DCHS2: variants seen among roughly 807,000 people sequenced by gnomAD.
The protein encoded by DCHS2 is protocadherin-23.
In DCHS2, 142 loss-of-function variants were observed where a neutral mutation model predicts 182.4. That is an observed-to-expected ratio of 0.78 (90% confidence interval 0.68 to 0.89). The LOEUF is 0.89. Among genes scored for constraint, DCHS2 ranks in the 40% least tolerant of loss-of-function variants. The pLI is 0.00. For missense variants in DCHS2, 4,319 were observed against 4,198.6 expected (o/e 1.03, Z -0.79); for synonymous variants, 1,740 against 1,663.3 (o/e 1.05, Z -1.12).
chr4:154,470,487 C>CA (rs11404069), intron 1 of DCHS2, among the ~76,000 whole-genome samples: 107,002 of 143,382 alleles, frequency 0.75, 39,863 homozygotes, highest in East Asian at 0.92. Flanking sequence ...GACCCTGTCT[C>CA]AAAAAAAAAA....
chr4:154,440,696 T>C (rs1226833475), intron 1 of DCHS2, among the ~76,000 whole-genome samples: 1 of 152,136 alleles, frequency 6.6e-6, no homozygotes, highest in Non-Finnish European at 1.5e-5. Flanking sequence ...GACATCAAAA[T>C]CATAAGCCAT....
In DCHS2 at chr4:154,235,792, A is replaced by C; in HGVS notation, c.8860T>G (p.Leu2954Val). Residue 2954 changes from leucine (L) to valine (V), a missense_variant, in exon 20 of 20, where the codon TTG becomes GTG. Transcript: ENST00000357232. ...CTATGAGCGATTATTTTCATTTCCA[A>C]GGTGTCTTCTTTGTTGAGTTGACTT... ...IKSQLNKEDT[L>V]EMKIIAHSPK... 6.2e-7 allele frequency: 1 copy of C among 1,613,920 alleles called. No homozygotes were observed.
At position 154,389,291 on chromosome 4, in the gene DCHS2, G is replaced by C. The variant is rs551002335; in HGVS notation, c.2053-11847C>G. On this transcript the variant is annotated intron_variant, in intron 1 of 19. Coordinates refer to ENST00000357232, the MANE Select transcript of DCHS2 (RefSeq NM_001358235.2). ...GTGGTACAAAAACAGACAGGAGGCT[G>C]GATCTGGGCCATGTGCCATGGTTTG... Among the ~76,000 whole-genome samples, 13 of 151,956 alleles carry C rather than the reference G, an allele frequency of 8.6e-5. No homozygotes were observed. In the East Asian group the frequency reaches 2.5e-3, roughly 29 times the overall value.
chr4:154,329,159 A>G (rs2111353879), intron 6 of DCHS2, among the ~76,000 whole-genome samples: 1 of 152,274 alleles, frequency 6.6e-6, no homozygotes. Context: ...TTAAGTAACT[A>G]TCTTAGAGAC....
intron 1 of DCHS2, chr4:154,486,498 A>C (rs1255981481): frequency 1.5e-6 from 2 of 1,304,804 alleles, no homozygotes. Flanking sequence ...GATTTTGACA[A>C]AGGCAACTTG....
intron 1 of DCHS2, among the ~76,000 whole-genome samples, chr4:154,488,834 T>C (rs942607728): frequency 6.6e-6 from 1 of 151,958 alleles, no homozygotes; most frequent in African/African-American, 2.4e-5. Context: ...ATTGAGCCAC[T>C]GCACTCCAGC....
chr4:154,327,922 G>A, intron 7 of DCHS2, among the ~76,000 whole-genome samples, 171 bp downstream of exon 7: 1 of 152,114 alleles, frequency 6.6e-6, no homozygotes, highest in East Asian at 1.9e-4. Context: ...AAAACTGAAA[G>A]TAGTTCTTGA....
In DCHS2 at chr4:154,433,686, G is replaced by A. The variant is rs376151939; in HGVS notation, c.2052+55618C>T. ...TGGGATTACAGGCATGAATCACTGC[G>A]CCAGGCCAGTACCCGTTGTTTTAAG... On this transcript the variant is annotated intron_variant, in intron 1 of 19. Coordinates refer to ENST00000357232, the MANE Select transcript of DCHS2 (RefSeq NM_001358235.2). 1.6e-4 allele frequency among the ~76,000 whole-genome samples: 25 copies of A among 152,058 alleles called. 1 individual carries two copies. Among genetic ancestry groups the A allele is most frequent in the Admixed American group, 1.1e-3 (17 of 15,266 alleles).
chr4:154,344,776 C>T (rs1275272617), intron 3 of DCHS2, among the ~76,000 whole-genome samples: 5 of 152,166 alleles, frequency 3.3e-5, no homozygotes, highest in Non-Finnish European at 2.9e-5. Flanking sequence ...CATCCCTGTG[C>T]AGCTGAGACT....
Position 154,236,311 on chromosome 4 carries a change from T to C in DCHS2, c.8341A>G (p.Asn2781Asp), listed in dbSNP as rs1235891973. 3 of 1,613,872 alleles carry C rather than the reference T, an allele frequency of 1.9e-6. No homozygotes were observed. In the African/African-American group the frequency reaches 4.0e-5, roughly 22 times the overall value. Reference protein sequence around the residue: ...FSSFSCIVPENLPISSTICSI... With the variant: ...FSSFSCIVPEDLPISSTICSI... ...CATATGGTAGAGGAAATAGGCAGAT[T>C]TTCTGGAACAATACAGCTGAAGCTT... Residue 2781 changes from asparagine (N) to aspartate (D), a missense_variant, in exon 20 of 20, where the codon AAT becomes GAT. By Grantham distance (23) the Asn-to-Asp change is conservative (BLOSUM62 1). Coordinates refer to ENST00000357232, the MANE Select transcript of DCHS2 (RefSeq NM_001358235.2).
rs1381893791 is a variant in DCHS2, at chr4:154,235,903, A to G, written c.8749T>C (p.Tyr2917His). The change falls in exon 20 of 20, where the codon TAC becomes CAC. Residue 2917 changes from tyrosine (Y) to histidine (H), a missense_variant. Transcript: ENST00000357232. ...AAAGGAGATGAGGTTCCAAGGGAGTAAAGAATGACTCCATCAATACCAGCA... is the reference window on the plus strand; with the variant it reads ...AAAGGAGATGAGGTTCCAAGGGAGTGAAGAATGACTCCATCAATACCAGCA... ...ADAGIDGVIL[Y>H]SLGTSSPFFS... is the part of the protein sequence containing the mutation. 1 of 1,613,946 alleles carries G rather than the reference A, an allele frequency of 6.2e-7. No homozygotes were observed. Among genetic ancestry groups the G allele is most frequent in the Non-Finnish European group, 8.5e-7 (1 of 1,179,972 alleles).
chr4:154,394,348 C>G (rs552408037), intron 1 of DCHS2, among the ~76,000 whole-genome samples: 1 of 152,156 alleles, frequency 6.6e-6, no homozygotes, highest in African/African-American at 2.4e-5. Flanking sequence ...GCACAAGGCC[C>G]CCCTCAGGAG....
At chr4:154,448,099 G>A (rs1376095625) in intron 1 of DCHS2, among the ~76,000 whole-genome samples, 1 of 152,080 alleles carries the variant, frequency 6.6e-6, no homozygotes, top group Non-Finnish European at 1.5e-5. Context: ...AGCCTCTGAG[G>A]CTGCTTTCCC....
At chr4:154,482,220 T>C (rs1372481346) in intron 1 of DCHS2, among the ~76,000 whole-genome samples, 1 of 152,236 alleles carries the variant, frequency 6.6e-6, no homozygotes, top group Non-Finnish European at 1.5e-5. Flanking sequence ...TTTTGATTGA[T>C]TCAACCATTT....
chr4:154,235,028 T>G lies in DCHS2; in HGVS notation c.9624A>C (p.Ser3208=), dbSNP rs765745454. The G allele has an allele frequency of 6.2e-7, 1 of 1,614,018 alleles. No individual in the cohort carries two copies. Among genetic ancestry groups the G allele is most frequent in the African/African-American group, 1.3e-5 (1 of 75,048 alleles). ...CTGCACACCTTACTTCCTGATCACCTGAAATAAAGACAGACTCTTTTCTAA... is the reference window on the plus strand; with the variant it reads ...CTGCACACCTTACTTCCTGATCACCGGAAATAAAGACAGACTCTTTTCTAA... ...ADVRKESVFI[S]GDQEVRCAAL... is the part of the protein sequence containing the mutation. Residue 3208 remains serine (S), a synonymous_variant, in exon 20 of 20, where the codon TCA becomes TCC. Transcript: ENST00000357232.
At chr4:154,324,100 C>T (rs898434941) in intron 7 of DCHS2, among the ~76,000 whole-genome samples, 4 of 152,248 alleles carry the variant, frequency 2.6e-5, no homozygotes, top group Admixed American at 2.0e-4. Flanking sequence ...GGTTCACTAA[C>T]ATCCACCAAT....
intron 3 of DCHS2, among the ~76,000 whole-genome samples, chr4:154,350,445 C>T (rs750096337): frequency 3.3e-5 from 5 of 151,994 alleles, no homozygotes; most frequent in Non-Finnish European, 5.9e-5. Context: ...TGAAACTGTA[C>T]ATCTATGCTT....
intron 16 of DCHS2, among the ~76,000 whole-genome samples, chr4:154,244,777 C>T (rs1201712024): frequency 1.3e-5 from 2 of 152,186 alleles, no homozygotes; most frequent in South Asian, 2.1e-4. Flanking sequence ...ACCTGAATCT[C>T]ACATTTCTGG....
intron 1 of DCHS2, among the ~76,000 whole-genome samples, chr4:154,471,364 GT>G (rs1177410612): frequency 6.6e-6 from 1 of 152,150 alleles, no homozygotes; most frequent in Non-Finnish European, 1.5e-5. Context: ...TTAAAAATAT[GT>G]TCCTGATAAT....
Sources: allele counts gnomAD v4.1 joint callset (sites outside exome capture counted in the v4.1 genomes callset), GRCh38; gene constraint gnomAD v4.1.1; transcripts MANE v1.5; gene names NCBI Gene and HGNC (gene_info 2026-07-23, HGNC 2026-07-21).